CACNA2D3: variants seen among roughly 807,000 people sequenced by gnomAD.
CACNA2D3 encodes the protein voltage-dependent calcium channel subunit alpha-2/delta-3.
A neutral mutation model predicts 160.6 loss-of-function variants in CACNA2D3; 60 were observed. The ratio of observed to expected loss-of-function variants is 0.37; its 90% CI spans 0.30 to 0.46. The LOEUF is 0.46. Ranked by LOEUF, CACNA2D3 falls within the 20% of genes least tolerant of loss-of-function variation. The probability of loss-of-function intolerance (pLI) is 1.00; values close to 1 mark genes in which losing one functional copy is unlikely to be tolerated. For missense variants in CACNA2D3, 1,205 were observed against 1,365.0 expected, an observed-to-expected ratio of 0.88 and a Z score of 1.85; for synonymous variants, 558 against 492.9, an observed-to-expected ratio of 1.13 and a Z score of -1.75.
intron 11 of CACNA2D3, among the ~76,000 whole-genome samples, chr3:54,645,048 C>T (rs990443959): frequency 2.0e-5 from 3 of 152,198 alleles, no homozygotes; most frequent in African/African-American, 7.2e-5. Flanking sequence ...TTTCACACTG[C>T]TATAAAGAAC....
intron 27 of CACNA2D3, among the ~76,000 whole-genome samples, chr3:54,906,662 G>A (rs1700454845): frequency 6.6e-6 from 1 of 152,182 alleles, no homozygotes; most frequent in Non-Finnish European, 1.5e-5. Context: ...TGAGTAGGTG[G>A]GTAGCTGACC....
intron 2 of CACNA2D3, among the ~76,000 whole-genome samples, chr3:54,269,006 T>C (rs1702568328): frequency 6.6e-6 from 1 of 152,174 alleles, no homozygotes; most frequent in Non-Finnish European, 1.5e-5. Context: ...CTTGTTATTT[T>C]TGGGCCAGGA....
intron 5 of CACNA2D3, among the ~76,000 whole-genome samples, chr3:54,530,241 C>T (rs536906456): frequency 2.0e-5 from 3 of 152,272 alleles, no homozygotes; most frequent in South Asian, 2.1e-4. Flanking sequence ...TGCACTGTAC[C>T]GTATGTGGTC....
At chr3:54,430,570 C>T (rs918343446) in intron 4 of CACNA2D3, among the ~76,000 whole-genome samples, 2 of 152,140 alleles carry the variant, frequency 1.3e-5, no homozygotes, top group Non-Finnish European at 1.5e-5. Flanking sequence ...TAATCCTGGA[C>T]GTGATTTGGT....
chr3:54,243,144 C>A (rs1304626021), intron 2 of CACNA2D3, among the ~76,000 whole-genome samples: 1 of 152,238 alleles, frequency 6.6e-6, no homozygotes, highest in African/African-American at 2.4e-5. Context: ...CCTGTCCCCA[C>A]TCTCCAGCTC....
intron 15 of CACNA2D3, among the ~76,000 whole-genome samples, chr3:54,838,072 C>T (rs1662294589): frequency 6.6e-6 from 1 of 152,128 alleles, no homozygotes. Context: ...GAGGCCTATT[C>T]CTTCACCTTG....
intron 4 of CACNA2D3, among the ~76,000 whole-genome samples, chr3:54,477,347 A>T (rs1700847598): frequency 6.6e-6 from 1 of 152,034 alleles, no homozygotes; most frequent in South Asian, 2.1e-4. Flanking sequence ...ATTGGAAGCC[A>T]TGCATTGCGA....
At chr3:54,749,210 G>A (rs1269155608) in intron 11 of CACNA2D3, among the ~76,000 whole-genome samples, 6 of 152,124 alleles carry the variant, frequency 3.9e-5, no homozygotes, top group African/African-American at 1.4e-4. Flanking sequence ...ATAGAATTTT[G>A]TGCTACACAA....
chr3:54,981,806 G>A (rs1171695152), intron 29 of CACNA2D3, among the ~76,000 whole-genome samples: 2 of 152,148 alleles, frequency 1.3e-5, no homozygotes, highest in Non-Finnish European at 2.9e-5. Flanking sequence ...GCTCATACTT[G>A]CCCCCCCATT....
intron 27 of CACNA2D3, among the ~76,000 whole-genome samples, chr3:54,945,372 A>G (rs965793560): frequency 6.6e-6 from 1 of 152,180 alleles, no homozygotes; most frequent in South Asian, 2.1e-4. Context: ...AAAGTGGCCA[A>G]GTAGGGCCAC....
chr3:54,808,876 T>C (rs541849297), intron 13 of CACNA2D3, among the ~76,000 whole-genome samples: 1 of 152,186 alleles, frequency 6.6e-6, no homozygotes, highest in Non-Finnish European at 1.5e-5. Context: ...TGGTGATTAC[T>C]GTAACCTCTC....
At chr3:54,380,054 C>G (rs1295643596) in intron 3 of CACNA2D3, among the ~76,000 whole-genome samples, 1 of 152,210 alleles carries the variant, frequency 6.6e-6, no homozygotes, top group East Asian at 1.9e-4. Flanking sequence ...GAAGGAATCT[C>G]AACACCAGAA....
intron 3 of CACNA2D3, among the ~76,000 whole-genome samples, chr3:54,347,559 A>C (rs141848114): frequency 1.9e-3 from 291 of 152,286 alleles, no homozygotes; most frequent in African/African-American, 6.5e-3. Context: ...CGCAGAATCT[A>C]CTTATTTCTA....
intron 21 of CACNA2D3, among the ~76,000 whole-genome samples, chr3:54,882,256 G>A (rs951883931): frequency 1.3e-5 from 2 of 152,174 alleles, no homozygotes; most frequent in East Asian, 1.9e-4. Context: ...GTGAGGTCAC[G>A]CTGAAGAAAC....
At chr3:54,717,999 TAC>T (rs1701095788) in intron 11 of CACNA2D3, among the ~76,000 whole-genome samples, 1 of 152,170 alleles carries the variant, frequency 6.6e-6, no homozygotes, top group South Asian at 2.1e-4. Flanking sequence ...GTATATGAAA[TAC>T]AGATATTTAT....
intron 12 of CACNA2D3, among the ~76,000 whole-genome samples, chr3:54,756,962 A>G (rs1482547758): frequency 6.6e-6 from 1 of 152,166 alleles, no homozygotes; most frequent in Non-Finnish European, 1.5e-5. Flanking sequence ...GAGACAAAGC[A>G]GCAAGCCATT....
chr3:54,956,452 AGGCCAG>A (rs1701895406), intron 27 of CACNA2D3, among the ~76,000 whole-genome samples: 1 of 152,210 alleles, frequency 6.6e-6, no homozygotes, highest in African/African-American at 2.4e-5. Flanking sequence ...TGTCTTTTAA[AGGCCAG>A]GAAATGCAGC....
chr3:55,052,123 C>A (rs1206805214), intron 35 of CACNA2D3, among the ~76,000 whole-genome samples: 1 of 152,154 alleles, frequency 6.6e-6, no homozygotes, highest in Non-Finnish European at 1.5e-5. Flanking sequence ...CATCTTGGCT[C>A]CTCCCCTCAC....
In CACNA2D3 at chr3:54,274,739, G is replaced by C. The variant is rs138678793; in HGVS notation, c.205-45703G>C. ...CAGTCTCACCTGAAGGCTCGGCTAG[G>C]GGGGAACTGCATCCAGGCTCACGCA... On this transcript the variant is annotated intron_variant, in intron 2 of 37. Coordinates refer to ENST00000474759, the MANE Select transcript of CACNA2D3 (RefSeq NM_018398.3). 2.0e-4 allele frequency among the ~76,000 whole-genome samples: 30 copies of C among 152,292 alleles called. No individual in the cohort carries two copies. The East Asian group carries it at 4.6e-3, about 24-fold the overall frequency.
Sources: gnomAD v4.1 joint callset for allele counts (sites outside exome capture counted in the v4.1 genomes callset) on GRCh38, gnomAD v4.1.1 for gene constraint, MANE v1.5 for transcripts, NCBI Gene and HGNC (gene_info 2026-07-23, HGNC 2026-07-21) for gene names.